SHPRH: variants seen among roughly 807,000 people sequenced by gnomAD.
SHPRH encodes the protein SNF2 histone linker PHD RING helicase.
Under a neutral mutation model 202.5 loss-of-function variants are expected in SHPRH, and 106 were observed. That is an observed-to-expected ratio of 0.52 (90% CI 0.45 to 0.62). The LOEUF is 0.62. Among genes scored for constraint, SHPRH ranks in the 20% least tolerant of loss-of-function variants. The probability of loss-of-function intolerance (pLI) is 0.00; values close to 1 mark genes in which losing one functional copy is unlikely to be tolerated. For synonymous variants in SHPRH, 729 were observed against 686.0 expected (o/e 1.06, Z -0.98); for missense variants, 1,710 against 2,020.0 (o/e 0.85, Z 2.94).
At chr6:145,887,506 G>GACA (rs368746253) in intron 29 of SHPRH, among the ~76,000 whole-genome samples, 8 of 149,292 alleles carry the variant, frequency 5.4e-5, no homozygotes, top group Non-Finnish European at 7.4e-5. Flanking sequence ...TCTTTGGATT[G>GACA]ACACCACAAT....
intron 26 of SHPRH, 52 bp downstream of exon 26, chr6:145,894,831 TAG>T: frequency 6.5e-7 from 1 of 1,550,192 alleles, no homozygotes; most frequent in Non-Finnish European, 8.9e-7. Flanking sequence ...GTAAACTGAT[TAG>T]AGAGGGAAAA....
At chr6:145,916,719 A>G (rs1783987309) in intron 23 of SHPRH, among the ~76,000 whole-genome samples, 1 of 152,150 alleles carries the variant, frequency 6.6e-6, no homozygotes, top group Non-Finnish European at 1.5e-5. Context: ...TTTGACTATC[A>G]TATTTAAAGT....
chr6:145,943,548 A>C lies in SHPRH; in HGVS notation c.1833T>G (p.Asp611Glu), dbSNP rs764692232. The C allele has an allele frequency of 2.5e-6, 4 of 1,613,924 alleles. No individual in the cohort carries two copies. In the African/African-American group the frequency reaches 5.3e-5, roughly 22 times the overall value. ...TACATGTACTTTTAGACATAGCAAC[A>C]TCAGTTATTCCAGAGTCGCTAGTAG... The part of the protein sequence containing the change: ...CPATSDSGIT[D>E]VAMSKSTCIS... The change falls in exon 9 of 30, where the codon GAT (aspartate) becomes GAG (glutamate). Residue 611 changes from aspartate (D) to glutamate (E), a missense_variant. Physicochemically the swap from Asp to Glu is conservative, Grantham distance 45 (BLOSUM62 2). This residue lies in a region of SHPRH where 348 missense variants were observed against 356.9 expected (regional missense o/e 0.97). Transcript: ENST00000275233.
intron 28 of SHPRH, among the ~76,000 whole-genome samples, 165 bp from the exon 29 acceptor site, chr6:145,888,265 A>G (rs1000482943): frequency 7.2e-5 from 11 of 152,186 alleles, no homozygotes; most frequent in African/African-American, 2.4e-4. Context: ...AATCTCCATG[A>G]GCTGACATTC....
Position 145,947,649 on chromosome 6 carries a change from G to A in SHPRH, c.1062-6C>T. The stretch of plus-strand genomic sequence containing the variant: ...TTGGGTACTCACGAATGATGCTGAG[G>A]AAAAAAACAAGATAAATCACATCAT... On this transcript the variant is annotated splice_region_variant and splice_polypyrimidine_tract_variant and intron_variant, in intron 5 of 29. Coordinates refer to ENST00000275233, the MANE Select transcript of SHPRH (RefSeq NM_001042683.3). 6.2e-7 allele frequency: 1 copy of A among 1,609,114 alleles called. No individual in the cohort carries two copies. Among genetic ancestry groups the A allele is most frequent in the Non-Finnish European group, 8.5e-7 (1 of 1,177,850 alleles).
At chr6:145,951,938 G>A in intron 3 of SHPRH, 1 of 455,146 alleles carries the variant, frequency 2.2e-6, no homozygotes, top group Non-Finnish European at 4.4e-6. Flanking sequence ...CCAAGAAACA[G>A]AGCAAAGTTA....
chr6:145,942,539 A>G (rs1009902688), intron 9 of SHPRH, among the ~76,000 whole-genome samples: 4 of 152,344 alleles, frequency 2.6e-5, no homozygotes, highest in African/African-American at 9.6e-5. Flanking sequence ...AACCTTCAGT[A>G]ACACTTGCAT....
chr6:145,943,790 G>A lies in SHPRH; in HGVS notation c.1591C>T (p.Pro531Ser), dbSNP rs755017330. The A allele has an allele frequency of 7.6e-6, 12 of 1,582,470 alleles. No individual in the cohort carries two copies. Among genetic ancestry groups the A allele is most frequent in the Non-Finnish European group, 1.0e-5 (12 of 1,170,230 alleles). Residue 531 changes from proline (P) to serine (S), a missense_variant, in exon 9 of 30, where the codon CCA becomes TCA. Around this residue, in one of 8 missense-constraint regions of SHPRH, gnomAD observed 348 missense variants for 356.9 expected, o/e 0.97. Transcript: ENST00000275233. ...CTAGTTTCTTTCTGAATTTTCCTTGGACTCCCTACTGCCTATGAAAAAAAT... is the reference window on the plus strand; with the variant it reads ...CTAGTTTCTTTCTGAATTTTCCTTGAACTCCCTACTGCCTATGAAAAAAAT... ...DKTKKQAVGSPRKIQKETRKS... is the reference protein window; with the variant it reads ...DKTKKQAVGSSRKIQKETRKS...
chr6:145,947,726 C>T (rs1399534773), intron 5 of SHPRH, 83 bp from the exon 6 acceptor site: 24 of 1,498,658 alleles, frequency 1.6e-5, no homozygotes, highest in South Asian at 1.3e-5. Context: ...CTAAAGAGAA[C>T]TGGAAGCAAT....
At chr6:145,940,249 A>T (rs1165991016) in intron 11 of SHPRH, among the ~76,000 whole-genome samples, 1 of 152,184 alleles carries the variant, frequency 6.6e-6, no homozygotes, top group African/African-American at 2.4e-5. Flanking sequence ...AATAACTTAT[A>T]TAATTACTAA....
intron 18 of SHPRH, 111 bp from the exon 19 acceptor site, chr6:145,922,947 T>G: frequency 4.4e-6 from 5 of 1,143,732 alleles, no homozygotes; most frequent in Non-Finnish European, 5.7e-6. Context: ...TGTTTGCTGT[T>G]TTTTTTTTTT....
intron 11 of SHPRH, among the ~76,000 whole-genome samples, chr6:145,938,618 T>C (rs1211710171): frequency 1.3e-5 from 2 of 152,310 alleles, no homozygotes; most frequent in Admixed American, 6.5e-5. Flanking sequence ...CTATCATTCA[T>C]TGAATATTTA....
chr6:145,887,968 A>T, intron 29 of SHPRH, 52 bp downstream of exon 29: 1 of 1,384,032 alleles, frequency 7.2e-7, no homozygotes, highest in Non-Finnish European at 1.0e-6. Flanking sequence ...AAAGATACAA[A>T]CTTTTAACAG....
Position 145,941,607 on chromosome 6 carries a change from T to C in SHPRH, c.2490+16A>G, listed in dbSNP as rs1157397645. On this transcript the variant is annotated intron_variant, in intron 10 of 29. Coordinates refer to ENST00000275233, the MANE Select transcript of SHPRH (RefSeq NM_001042683.3). ...CTTCTTCCCCAGCCCTCAAAAGATT[T>C]TGCAGAAACTCTCACTTTTACTGTG... 1.2e-6 allele frequency: 2 copies of C among 1,611,670 alleles called. No individual in the cohort carries two copies. The highest frequency in any genetic ancestry group is 1.7e-6 in the Non-Finnish European group (2 of 1,178,318).
chr6:145,926,264 C>T lies in SHPRH; in HGVS notation c.3234G>A (p.Leu1078=). The change falls in exon 16 of 30, where the codon TTG becomes TTA. Residue 1078 remains leucine, a synonymous_variant. Coordinates refer to ENST00000275233, the MANE Select transcript of SHPRH (RefSeq NM_001042683.3). ...RLHATHNLME[L]LIARHPGIPP... is the part of the protein sequence containing the mutation. Reference sequence around the variant, plus strand: ...GTATCCCTGGGTGCCTGGCTATCAACAATTCCATCAAGTTATGGGTAGCAT... The same window carrying T: ...GTATCCCTGGGTGCCTGGCTATCAATAATTCCATCAAGTTATGGGTAGCAT... 3 of 1,612,870 alleles carry T rather than the reference C, an allele frequency of 1.9e-6. No individual in the cohort carries two copies. The highest frequency in any genetic ancestry group is 1.1e-5 in the South Asian group (1 of 91,042).
chr6:145,864,401 T>C, exon 3 of SHPRH: 1 of 426,802 alleles, frequency 2.3e-6, no homozygotes, highest in Non-Finnish European at 4.9e-6. Flanking sequence ...TCACCAAATC[T>C]CTCAACTGTA....
At chr6:145,933,012 C>T in intron 14 of SHPRH, 45 bp downstream of exon 14, 1 of 1,585,360 alleles carries the variant, frequency 6.3e-7, no homozygotes, top group Non-Finnish European at 8.6e-7. Context: ...TAACCTTCCT[C>T]AGGAAGTGTT....
Position 145,933,053 on chromosome 6 carries a change from C to A in SHPRH, c.3112+4G>T, listed in dbSNP as rs754147564. ...GAATCAGAGATAAAGCAATCACCTT[C>A]TACCTTTAATAATATGAATGCCTGC... On this transcript the variant is annotated splice_donor_region_variant and intron_variant, in intron 14 of 29. Transcript: ENST00000275233. 9.9e-6 allele frequency: 16 copies of A among 1,613,408 alleles called. No homozygotes were observed. The East Asian group carries it at 3.1e-4, about 32-fold the overall frequency.
At chr6:145,867,426 T>C (rs1368396388) in intron 2 of SHPRH, among the ~76,000 whole-genome samples, 1 of 151,160 alleles carries the variant, frequency 6.6e-6, no homozygotes, top group African/African-American at 2.4e-5. Flanking sequence ...TGGGGGAGAT[T>C]ATCCTGGATT....
Sources: gnomAD v4.1 joint callset for allele counts (sites outside exome capture counted in the v4.1 genomes callset) on GRCh38, gnomAD v4.1.1 for gene constraint, gnomAD v4.1.1 regional missense constraint, MANE v1.5 for transcripts, NCBI Gene and HGNC (gene_info 2026-07-23, HGNC 2026-07-21) for gene names.